The following FNTA variants were observed in gnomAD, a reference collection of about 807,000 sequenced individuals.
FNTA encodes the protein farnesyltransferase, CAAX box, subunit alpha, also known as protein farnesyltransferase/geranylgeranyltransferase type-1 subunit alpha.
In FNTA, 27 loss-of-function variants were observed where a neutral mutation model predicts 55.2. The ratio of observed to expected loss-of-function variants is 0.49; its 90% CI spans 0.36 to 0.67. The LOEUF (loss-of-function observed/expected upper bound fraction) is 0.67. FNTA is among the 30% of genes least tolerant of loss of function. The pLI is 0.00. For missense variants in FNTA, 422 were observed against 464.7 expected, an observed-to-expected ratio of 0.91 and a Z score of 0.85; for synonymous variants, 176 against 170.7, an observed-to-expected ratio of 1.03 and a Z score of -0.24.
At chr8:43,071,524 T>C (rs1442443383) in intron 4 of FNTA, among the ~76,000 whole-genome samples, 1 of 151,760 alleles carries the variant, frequency 6.6e-6, no homozygotes, top group Non-Finnish European at 1.5e-5. Flanking sequence ...TCCAAAAAAT[T>C]AGCCGGGCGT....
intron 6 of FNTA, chr8:43,081,101 A>G (rs1274227676): frequency 6.6e-6 from 1 of 151,968 alleles, no homozygotes; most frequent in Admixed American, 6.6e-5. Context: ...GTACATAATT[A>G]TTTTTGTCAT....
At chr8:43,065,288 C>T (rs1279398622) in intron 3 of FNTA, among the ~76,000 whole-genome samples, 1 of 151,300 alleles carries the variant, frequency 6.6e-6, no homozygotes, top group African/African-American at 2.4e-5. Context: ...GCTCTTGTTG[C>T]CCAGGTTGGA....
chr8:43,064,288 T>A, intron 3 of FNTA, 73 bp downstream of exon 3: 1 of 952,476 alleles, frequency 1.0e-6, no homozygotes, highest in Non-Finnish European at 1.6e-6. Flanking sequence ...TTTTAAACTG[T>A]ACTTTAATTT....
intron 3 of FNTA, among the ~76,000 whole-genome samples, chr8:43,066,918 T>G (rs1810674300): frequency 6.6e-6 from 1 of 152,228 alleles, no homozygotes. Context: ...TACATTTAAC[T>G]GCCACAGTTC....
chr8:43,064,464 C>G (rs1004006906), intron 3 of FNTA, among the ~76,000 whole-genome samples: 1 of 151,934 alleles, frequency 6.6e-6, no homozygotes, highest in Non-Finnish European at 1.5e-5. Context: ...GGGCGCCCAC[C>G]ACCACGCCCA....
intron 2 of FNTA, among the ~76,000 whole-genome samples, chr8:43,061,161 G>A (rs1162300965): frequency 6.6e-6 from 1 of 152,190 alleles, no homozygotes; most frequent in Non-Finnish European, 1.5e-5. Flanking sequence ...AGCCATTTTG[G>A]AAAGTAGTTT....
intron 3 of FNTA, among the ~76,000 whole-genome samples, chr8:43,066,800 G>A (rs1265194909): frequency 1.3e-5 from 2 of 152,256 alleles, no homozygotes; most frequent in Admixed American, 6.5e-5. Context: ...GTTACTGAGT[G>A]GGGATGTGGC....
intron 3 of FNTA, among the ~76,000 whole-genome samples, chr8:43,068,390 T>A (rs1810708750): frequency 6.6e-6 from 1 of 152,214 alleles, no homozygotes; most frequent in East Asian, 1.9e-4. Flanking sequence ...TAACGACGTC[T>A]TTAGGAAAAT....
intron 4 of FNTA, among the ~76,000 whole-genome samples, chr8:43,071,099 C>T (rs1810779344): frequency 6.6e-6 from 1 of 152,094 alleles, no homozygotes; most frequent in South Asian, 2.1e-4. Flanking sequence ...AGCATTAAAT[C>T]CTTCCCTTTT....
intron 1 of FNTA, 85 bp from the exon 2 acceptor site, chr8:43,059,005 CTG>C (rs1287210761): frequency 7.4e-6 from 7 of 949,076 alleles, no homozygotes; most frequent in Non-Finnish European, 1.1e-5. Flanking sequence ...ATCAATGTAA[CTG>C]TAATTATTGT....
At chr8:43,083,523 G>A (rs1447017003) in intron 7 of FNTA, among the ~76,000 whole-genome samples, 1 of 152,142 alleles carries the variant, frequency 6.6e-6, no homozygotes, top group Non-Finnish European at 1.5e-5. Context: ...TAGTTTACAG[G>A]TAGATTTTGC....
At chr8:43,075,032 G>T (rs1422771645) in intron 5 of FNTA, among the ~76,000 whole-genome samples, 1 of 152,188 alleles carries the variant, frequency 6.6e-6, no homozygotes, top group South Asian at 2.1e-4. Context: ...GGGAATCTAA[G>T]TGAAGGGTAC....
Position 43,085,524 on chromosome 8 carries a change from C to T in FNTA, c.*242C>T. The T allele has an allele frequency of 2.1e-6, 1 of 484,874 alleles. No individual in the cohort carries two copies. The highest frequency in any genetic ancestry group is 3.6e-6 in the Non-Finnish European group (1 of 274,622). 30.0% of individuals were successfully genotyped at this position (484,874 alleles called of 1,614,324 possible). On this transcript the variant is annotated 3_prime_UTR_variant, in exon 9 of 9. Transcript: ENST00000302279. ...AGGAAGAAAAAGTCCCATAAAGGAA[C>T]TTTTGTAGTCTTATCAACATATAAT...
At chr8:43,056,846 G>C (rs113825241) in intron 1 of FNTA, 2,219 of 157,500 alleles carry the variant, frequency 0.014, 53 homozygotes, top group African/African-American at 0.052. Flanking sequence ...GTCGCGATTC[G>C]TAAATATAAG....
At chr8:43,077,113 T>C (rs1254136554) in intron 5 of FNTA, 103 bp from the exon 6 acceptor site, 2 of 700,976 alleles carry the variant, frequency 2.9e-6, no homozygotes, top group Non-Finnish European at 4.4e-6. Flanking sequence ...TGATAAATCC[T>C]GTGTCCTCAG....
intron 2 of FNTA, among the ~76,000 whole-genome samples, chr8:43,062,185 G>A (rs1810549531): frequency 6.6e-6 from 1 of 151,386 alleles, no homozygotes; most frequent in Non-Finnish European, 1.5e-5. Context: ...GTGTGTGTGT[G>A]TGTGTGTGTG....
At chr8:43,069,817 T>C (rs1344540574) in intron 4 of FNTA, among the ~76,000 whole-genome samples, 158 bp downstream of exon 4, 2 of 151,922 alleles carry the variant, frequency 1.3e-5, no homozygotes, top group Non-Finnish European at 2.9e-5. Context: ...GCTAATTTTG[T>C]ATTTTTAGTA....
chr8:43,070,562 T>A (rs184272932), intron 4 of FNTA, among the ~76,000 whole-genome samples: 252 of 152,350 alleles, frequency 1.7e-3, no homozygotes, highest in African/African-American at 5.8e-3. Flanking sequence ...ATCGAGTTTT[T>A]GCTAAAGAGA....
chr8:43,069,223 C>T (rs1037598803), intron 3 of FNTA, among the ~76,000 whole-genome samples: 13 of 151,882 alleles, frequency 8.6e-5, no homozygotes, highest in African/African-American at 3.1e-4. Context: ...TCAAGCAATT[C>T]TCCTGCCTCA....
Sources: gnomAD v4.1 joint callset for allele counts (sites outside exome capture counted in the v4.1 genomes callset) on GRCh38, gnomAD v4.1.1 for gene constraint, MANE v1.5 for transcripts, NCBI Gene and HGNC (gene_info 2026-07-23, HGNC 2026-07-21) for gene names.